DIS3L2: variants seen among roughly 807,000 people sequenced by gnomAD.
The protein encoded by DIS3L2 is DIS3 like 3'-5' exoribonuclease 2.
DIS3L2 carries 34 observed loss-of-function variants against 97.5 expected under a neutral mutation model. The observed-to-expected ratio is 0.35, with a 90% CI of 0.27 to 0.46. DIS3L2 has a LOEUF of 0.46. DIS3L2 is among the 20% of genes least tolerant of loss of function. The pLI, the probability that DIS3L2 is intolerant of heterozygous loss-of-function variation, is 1.00. For synonymous variants in DIS3L2, 435 were observed against 445.2 expected (o/e 0.98, Z 0.29); for missense variants, 1,038 against 1,146.0 (o/e 0.91, Z 1.36).
At chr2:232,235,102 T>C (rs1030916772) in intron 10 of DIS3L2, among the ~76,000 whole-genome samples, 14 of 152,342 alleles carry the variant, frequency 9.2e-5, no homozygotes, top group Admixed American at 7.2e-4. Context: ...TTTGTACTCA[T>C]CTAAGTTTGT....
At chr2:232,121,941 T>C (rs904538027) in intron 6 of DIS3L2, among the ~76,000 whole-genome samples, 1 of 152,206 alleles carries the variant, frequency 6.6e-6, no homozygotes, top group Non-Finnish European at 1.5e-5. Flanking sequence ...TGGCCACTAG[T>C]CTGATTTAGT....
intron 1 of DIS3L2, among the ~76,000 whole-genome samples, chr2:231,975,177 A>G (rs1034102285): frequency 3.3e-5 from 5 of 152,292 alleles, no homozygotes; most frequent in African/African-American, 4.8e-5. Context: ...GACTATGCCC[A>G]TGCCAGAGTG....
chr2:232,189,141 A>G (rs1045560293), intron 9 of DIS3L2, among the ~76,000 whole-genome samples: 1 of 152,190 alleles, frequency 6.6e-6, no homozygotes, highest in Non-Finnish European at 1.5e-5. Context: ...GCCGGTGGAA[A>G]TGTAAAATGG....
rs1694651209 is a variant in DIS3L2, at chr2:232,293,465, G to A, written c.1660-6575G>A. Among the ~76,000 whole-genome samples the A allele has an allele frequency of 6.6e-6, 1 of 152,202 alleles. No individual in the cohort carries two copies. The highest frequency in any genetic ancestry group is 2.4e-5 in the African/African-American group (1 of 41,446). The stretch of plus-strand genomic sequence containing the variant: ...AAAGATCAGGGCCACTTTGACAGAG[G>A]AGGGACAGGCAGGAAGGGCTCCCCT... On this transcript the variant is annotated intron_variant, in intron 13 of 20. Transcript: ENST00000325385. The surrounding 1 kb of genome is among the most constrained non-coding windows in gnomAD (Gnocchi z 4.6).
intron 5 of DIS3L2, among the ~76,000 whole-genome samples, chr2:232,057,617 G>A (rs1035746779): frequency 3.3e-5 from 5 of 152,064 alleles, no homozygotes; most frequent in Non-Finnish European, 7.3e-5. Context: ...CCAGGCTTCC[G>A]TTAGGACCCT....
intron 14 of DIS3L2, among the ~76,000 whole-genome samples, chr2:232,305,357 C>T (rs949611521): frequency 5.9e-5 from 9 of 152,124 alleles, no homozygotes; most frequent in Admixed American, 2.6e-4. Context: ...GGGTTACAGG[C>T]GTGAGCCACC....
At position 232,225,552 on chromosome 2, in the gene DIS3L2, T is replaced by TAA. The variant is rs1692621945; in HGVS notation, c.1205-12980_1205-12979dup. ...AGTGATTATATAGAGGTCAGAAAAGTAATTATCTTTGGTGAGTGTAAAGAC... is the reference window on the plus strand; with the variant it reads ...AGTGATTATATAGAGGTCAGAAAAGTAAAATTATCTTTGGTGAGTGTAAAGAC... On this transcript the variant is annotated intron_variant, in intron 10 of 20. Coordinates refer to ENST00000325385, the MANE Select transcript of DIS3L2 (RefSeq NM_152383.5). 3.9e-5 allele frequency among the ~76,000 whole-genome samples: 6 copies of TAA among 152,200 alleles called. No individual in the cohort carries two copies. The South Asian group carries it at 1.2e-3, about 32-fold the overall frequency.
At chr2:232,340,572 GA>G (rs1330717899), downstream of DIS3L2, among the ~76,000 whole-genome samples, 1 of 152,194 alleles carries the variant, frequency 6.6e-6, no homozygotes, top group Non-Finnish European at 1.5e-5. Flanking sequence ...GTGCATAAGG[GA>G]TGCTGAGACT....
chr2:232,293,769 T>G lies in DIS3L2; in HGVS notation c.1660-6271T>G, dbSNP rs1694659096. On this transcript the variant is annotated intron_variant, in intron 13 of 20. Transcript: ENST00000325385. This position sits in a 1 kb window ranked among gnomAD's most constrained non-coding sequence, Gnocchi z 4.6. Reference sequence around the variant, plus strand: ...TTCAGCGAGCCTGGGCTGTGTTGAATTCACTTTCATATCTCCAAAAGCAGG... The same window carrying G: ...TTCAGCGAGCCTGGGCTGTGTTGAAGTCACTTTCATATCTCCAAAAGCAGG... 6.6e-6 allele frequency among the ~76,000 whole-genome samples: 1 copy of G among 152,196 alleles called. No individual in the cohort carries two copies. The highest frequency in any genetic ancestry group is 2.4e-5 in the African/African-American group (1 of 41,440).
chr2:232,021,215 C>G (rs190422463), intron 3 of DIS3L2, among the ~76,000 whole-genome samples: 40 of 152,114 alleles, frequency 2.6e-4, no homozygotes, highest in Admixed American at 5.2e-4. Flanking sequence ...AGGTCTTTTG[C>G]TGGTTGAGTA....
chr2:232,068,957 C>T (rs1239561249), intron 5 of DIS3L2, among the ~76,000 whole-genome samples: 1 of 152,008 alleles, frequency 6.6e-6, no homozygotes, highest in African/African-American at 2.4e-5. Flanking sequence ...CCTGGGATTA[C>T]AGGCATGTAC....
chr2:232,037,192 C>T lies in DIS3L2; in HGVS notation c.366+7112C>T, dbSNP rs185433437. On this transcript the variant is annotated intron_variant, in intron 5 of 20. Coordinates refer to ENST00000325385, the MANE Select transcript of DIS3L2 (RefSeq NM_152383.5). The surrounding 1 kb of genome is among the most constrained non-coding windows in gnomAD (Gnocchi z 4.6). ...GGGAGATGGGAGTTTTACCTATAAGCCCCTGACTGGGGCTGCTGCCTTTCT... is the reference window on the plus strand; with the variant it reads ...GGGAGATGGGAGTTTTACCTATAAGTCCCTGACTGGGGCTGCTGCCTTTCT... Among the ~76,000 whole-genome samples, 4 of 152,168 alleles carry T rather than the reference C, an allele frequency of 2.6e-5. No individual in the cohort carries two copies. The highest frequency in any genetic ancestry group is 5.9e-5 in the Non-Finnish European group (4 of 68,014).
intron 9 of DIS3L2, among the ~76,000 whole-genome samples, chr2:232,175,037 C>G (rs1441550798): frequency 6.6e-6 from 1 of 151,970 alleles, no homozygotes; most frequent in African/African-American, 2.4e-5. Flanking sequence ...CTGTGTTGCC[C>G]GGGCTGCTCT....
chr2:232,336,347 C>T lies in DIS3L2; in HGVS notation c.2497-122C>T, dbSNP rs925660768. ...GGAGGGGGCCCCCATTACAGACAGG[C>T]GAGCAGAGGCTTCCAGAGGCCGAAG... On this transcript the variant is annotated intron_variant, in intron 20 of 20. Coordinates refer to ENST00000325385, the MANE Select transcript of DIS3L2 (RefSeq NM_152383.5). The T allele has an allele frequency of 5.2e-6, 8 of 1,547,798 alleles. No individual in the cohort carries two copies. The highest frequency in any genetic ancestry group is 7.0e-6 in the Non-Finnish European group (8 of 1,145,766).
At chr2:232,235,010 G>A (rs1352429000) in intron 10 of DIS3L2, among the ~76,000 whole-genome samples, 2 of 152,234 alleles carry the variant, frequency 1.3e-5, no homozygotes, top group African/African-American at 2.4e-5. Flanking sequence ...TCAAAGAGAT[G>A]GTTTCTGAAT....
intron 9 of DIS3L2, among the ~76,000 whole-genome samples, chr2:232,206,359 G>T (rs1227187252): frequency 6.6e-6 from 1 of 152,172 alleles, no homozygotes; most frequent in East Asian, 1.9e-4. Context: ...CAAACTTCCT[G>T]TGAAGGGTCA....
At chr2:232,162,416 T>G (rs1187029947) in intron 8 of DIS3L2, among the ~76,000 whole-genome samples, 1 of 152,208 alleles carries the variant, frequency 6.6e-6, no homozygotes, top group East Asian at 1.9e-4. Context: ...GGCTGAAGAT[T>G]GGAATTTGTT....
chr2:232,063,266 A>G (rs1695763265), intron 5 of DIS3L2, among the ~76,000 whole-genome samples: 1 of 152,202 alleles, frequency 6.6e-6, no homozygotes, highest in African/African-American at 2.4e-5. Flanking sequence ...CACTTAGTAT[A>G]CAAGAACCTC....
chr2:232,343,551 G>A, exon 14 of DIS3L2: 1 of 1,568,984 alleles, frequency 6.4e-7, no homozygotes, highest in Non-Finnish European at 8.6e-7. Context: ...GAGTAGAGGA[G>A]CAGACAACCC....
Sources: gnomAD v4.1 joint callset for allele counts (sites outside exome capture counted in the v4.1 genomes callset) on GRCh38, gnomAD v4.1.1 for gene constraint, Gnocchi (gnomAD v3.1) non-coding constraint, MANE v1.5 for transcripts, NCBI Gene and HGNC (gene_info 2026-07-23, HGNC 2026-07-21) for gene names.